The following CRIP1 variants were observed in gnomAD, a reference collection of about 807,000 sequenced individuals.
The protein encoded by CRIP1 is cysteine rich protein 1.
In CRIP1, 11 loss-of-function variants were observed where a neutral mutation model predicts 12.9. That is an observed-to-expected ratio of 0.86 (90% CI 0.54 to 1.42). The LOEUF is 1.42. Ranked by LOEUF, CRIP1 falls within the 40% of genes most tolerant of loss-of-function variation. CRIP1 has a pLI of 0.00. For missense variants in CRIP1, 122 were observed against 101.3 expected (o/e 1.20, Z -0.88); for synonymous variants, 41 against 37.2 (o/e 1.10, Z -0.37).
At chr14:105,488,557 C>T (rs781936877) in intron 5 of CRIP1, 41 bp downstream of exon 5, 46 of 1,556,882 alleles carry the variant, frequency 3.0e-5, no homozygotes, top group Non-Finnish European at 2.4e-5. Context: ...CCTGGTTCCA[C>T]CCTCGGGATG....
At position 105,487,181 on chromosome 14, in the gene CRIP1, C is replaced by A; in HGVS notation, c.-61-18C>A. On this transcript the variant is annotated intron_variant, in intron 1 of 5. Transcript: ENST00000392531. ...CCCGGGGTCCCTGAAAGGCGCGGAC[C>A]AGGCCGGATCCACCCAGTCTCGCGC... 1 of 1,525,034 alleles carries A rather than the reference C, an allele frequency of 6.6e-7. No homozygotes were observed. Among genetic ancestry groups the A allele is most frequent in the Admixed American group, 2.1e-5 (1 of 48,332 alleles). The allele number at this position is 1,525,034 out of a possible 1,614,324, so 94.5% of individuals were successfully genotyped here.
chr14:105,488,627 C>T, intron 5 of CRIP1, 36 bp from the exon 6 acceptor site: 2 of 1,121,054 alleles, frequency 1.8e-6, no homozygotes, highest in Non-Finnish European at 2.6e-6. Context: ...GCCGTGGACG[C>T]TGCACTCACG....
At chr14:105,488,601 G>C (rs879992801) in intron 5 of CRIP1, 62 bp from the exon 6 acceptor site, 3 of 1,409,812 alleles carry the variant, frequency 2.1e-6, no homozygotes, top group South Asian at 1.3e-5. Context: ...CTGACCACTC[G>C]TGGGCCCCAA....
intron 2 of CRIP1, chr14:105,487,873 T>C: frequency 2.2e-6 from 1 of 453,900 alleles, no homozygotes; most frequent in Non-Finnish European, 4.0e-6. Context: ...CCCCTGACCC[T>C]CGGCCTCGCC....
Position 105,487,276 on chromosome 14 carries a change from A to C in CRIP1, c.17A>C (p.Lys6Thr), listed in dbSNP as rs1555438223. The C allele has an allele frequency of 1.6e-5, 24 of 1,544,824 alleles. No individual in the cohort carries two copies. Among genetic ancestry groups the C allele is most frequent in the Non-Finnish European group, 2.1e-5 (24 of 1,144,760 alleles). Reference protein sequence around the residue: MPKCPKCNKEVYFAER... With the variant: MPKCPTCNKEVYFAER... Reference sequence around the variant, plus strand: ...GGAGCCGTCATGCCCAAGTGTCCCAAGTGCAACAAGGAGGTGTACTTCGGT... The same window carrying C: ...GGAGCCGTCATGCCCAAGTGTCCCACGTGCAACAAGGAGGTGTACTTCGGT... Residue 6 changes from lysine to threonine, a missense_variant, in exon 2 of 6, where the codon AAG becomes ACG. By Grantham distance (78) the Lys-to-Thr change is moderately conservative. Transcript: ENST00000392531.
intron 2 of CRIP1, 168 bp downstream of exon 2, chr14:105,487,467 G>A (rs1378544424): frequency 6.8e-6 from 4 of 584,744 alleles, no homozygotes; most frequent in Non-Finnish European, 1.2e-5. Flanking sequence ...AGGCCCCTGC[G>A]TCCGAGGGCC....
At chr14:105,487,927 C>T (rs1436848421) in intron 2 of CRIP1, 2 of 546,272 alleles carry the variant, frequency 3.7e-6, no homozygotes, top group African/African-American at 3.8e-5. Flanking sequence ...CCCGGCCGCA[C>T]CCGAAAGTGC....
At chr14:105,488,092 G>C (rs1356605085) in intron 2 of CRIP1, 74 bp from the exon 3 acceptor site, 23 of 1,487,722 alleles carry the variant, frequency 1.5e-5, no homozygotes, top group Non-Finnish European at 1.9e-5. Flanking sequence ...CTGGCTGCAA[G>C]AGGCGGGTAC....
intron 2 of CRIP1, chr14:105,487,553 G>C: frequency 2.1e-6 from 1 of 465,214 alleles, no homozygotes; most frequent in Non-Finnish European, 3.8e-6. Context: ...CCGTCTCTGG[G>C]TCCTACGGTC....
intron 2 of CRIP1, chr14:105,487,965 T>C: frequency 1.7e-6 from 1 of 582,220 alleles, no homozygotes; most frequent in Non-Finnish European, 3.1e-6. Flanking sequence ...CCGCGCTTTG[T>C]TTAGTTGTAT....
rs879985721 is a variant in CRIP1, at chr14:105,488,658, C to A, written c.*6-5C>A. ...TCACGTCTGTGCCTGTCTCTCTCTG[C>A]ACAGGTGGTGGAGACCCCATCCTTG... On this transcript the variant is annotated splice_region_variant and splice_polypyrimidine_tract_variant and intron_variant, in intron 5 of 5. Coordinates refer to ENST00000392531, the MANE Select transcript of CRIP1 (RefSeq NM_001311.5). 1.1e-6 allele frequency: 1 copy of A among 897,246 alleles called. No homozygotes were observed. Among genetic ancestry groups the A allele is most frequent in the Non-Finnish European group, 1.7e-6 (1 of 579,810 alleles). 55.6% of individuals were successfully genotyped at this position (897,246 alleles called of 1,614,324 possible).
At chr14:105,487,051 C>T in intron 1 of CRIP1, 79 bp downstream of exon 1, 2 of 1,362,288 alleles carry the variant, frequency 1.5e-6, no homozygotes, top group South Asian at 1.8e-5. Flanking sequence ...GGGGGTGGAC[C>T]AGATGATCTT....
chr14:105,487,645 G>A (rs1373057869), intron 2 of CRIP1: 1 of 261,424 alleles, frequency 3.8e-6, no homozygotes, highest in Non-Finnish European at 7.2e-6. Flanking sequence ...GCGCCCCCCA[G>A]CGCTAAGTGG....
At chr14:105,487,439 G>A in intron 2 of CRIP1, 140 bp downstream of exon 2, 1 of 680,276 alleles carries the variant, frequency 1.5e-6, no homozygotes, top group Non-Finnish European at 2.4e-6. Flanking sequence ...CCCGCCGCCT[G>A]CCCCGGGATG....
chr14:105,488,345 C>A lies in CRIP1; in HGVS notation c.150C>A (p.Pro50=), dbSNP rs1128308. Residue 50 remains proline (P), a synonymous_variant, in exon 4 of 6, where the codon CCC becomes CCA. Transcript: ENST00000392531. The stretch of plus-strand genomic sequence containing the variant: ...TCTCTTTGCAGCACGAAGGCAAACC[C>A]TACTGCAACCACCCCTGCTACGCAG... The part of the protein sequence containing the change: ...SGGHAEHEGK[P]YCNHPCYAAM... 208 of 1,613,374 alleles carry A rather than the reference C, an allele frequency of 1.3e-4. 3 individuals carry two copies. In the South Asian group the frequency reaches 2.2e-3, roughly 17 times the overall value.
intron 2 of CRIP1, chr14:105,487,590 T>C (rs2084133006): frequency 5.7e-6 from 2 of 352,856 alleles, no homozygotes; most frequent in East Asian, 9.5e-5. Context: ...AGGCGCGCCC[T>C]GAGTGGGGGA....
chr14:105,488,366 C>T lies in CRIP1; in HGVS notation c.171C>T (p.Tyr57=), dbSNP rs142384687. ...EGKPYCNHPC[Y]AAMFGPKGFG... ...AACCCTACTGCAACCACCCCTGCTACGCAGCCATGTTTGGGCCTAAAGGTA... is the reference window on the plus strand; with the variant it reads ...AACCCTACTGCAACCACCCCTGCTATGCAGCCATGTTTGGGCCTAAAGGTA... Residue 57 remains tyrosine, a synonymous_variant, in exon 4 of 6, where the codon TAC becomes TAT. Coordinates refer to ENST00000392531, the MANE Select transcript of CRIP1 (RefSeq NM_001311.5). The T allele has an allele frequency of 5.6e-5, 91 of 1,613,352 alleles. No homozygotes were observed. The highest frequency in any genetic ancestry group is 6.9e-5 in the Non-Finnish European group (81 of 1,179,988).
intron 2 of CRIP1, chr14:105,487,907 G>A (rs1262926173): frequency 3.8e-6 from 2 of 525,480 alleles, no homozygotes; most frequent in Admixed American, 6.5e-5. Flanking sequence ...CAGCCTTCAG[G>A]AGCAAGATTC....
In CRIP1 at chr14:105,488,211, T is replaced by C; in HGVS notation, c.86T>C (p.Leu29Pro). The change falls in exon 3 of 6, where the codon CTG (leucine) becomes CCG (proline). Residue 29 changes from leucine (L) to proline (P), a missense_variant. Coordinates refer to ENST00000392531, the MANE Select transcript of CRIP1 (RefSeq NM_001311.5). ...GGCAAGGACTGGCATCGGCCCTGCC[T>C]GAAGTGCGAGAAATGTGGGAAGACG... ...SLGKDWHRPC[L>P]KCEKCGKTLT... The C allele has an allele frequency of 6.2e-7, 1 of 1,613,300 alleles. No individual in the cohort carries two copies. The highest frequency in any genetic ancestry group is 8.5e-7 in the Non-Finnish European group (1 of 1,180,006).
Sources: gnomAD v4.1 joint callset for allele counts on GRCh38, gnomAD v4.1.1 for gene constraint, MANE v1.5 for transcripts, NCBI Gene and HGNC (gene_info 2026-07-23, HGNC 2026-07-21) for gene names.